Variants in SLC16A7 observed in about 807,000 individuals in gnomAD.
The protein encoded by SLC16A7 is monocarboxylate transporter 2.
SLC16A7 carries 33 observed loss-of-function variants against 34.9 expected under a neutral mutation model. That is an observed-to-expected ratio of 0.94 (90% CI 0.72 to 1.26). The LOEUF (loss-of-function observed/expected upper bound fraction) is 1.26. Ranked by LOEUF, SLC16A7 falls within the 50% of genes most tolerant of loss-of-function variation. SLC16A7 has a pLI of 0.00. For missense variants in SLC16A7, 573 were observed against 578.1 expected, an observed-to-expected ratio of 0.99 and a Z score of 0.09; for synonymous variants, 201 against 206.6, an observed-to-expected ratio of 0.97 and a Z score of 0.23.
intron 3 of SLC16A7, among the ~76,000 whole-genome samples, chr12:59,743,504 T>G (rs1234876240): frequency 6.6e-6 from 1 of 152,208 alleles, no homozygotes; most frequent in African/African-American, 2.4e-5. Context: ...ATAACTATCT[T>G]GTTCATCATA....
intron 3 of SLC16A7, among the ~76,000 whole-genome samples, chr12:59,744,586 A>G (rs1878688934): frequency 6.6e-6 from 1 of 152,198 alleles, no homozygotes; most frequent in African/African-American, 2.4e-5. Context: ...CCACAGGTGC[A>G]GATGCTAAAG....
chr12:59,649,238 T>A (rs1868300960), intron 1 of SLC16A7, among the ~76,000 whole-genome samples: 1 of 151,966 alleles, frequency 6.6e-6, no homozygotes, highest in South Asian at 2.1e-4. Context: ...GAGTGTACAA[T>A]GGACAAGGTT....
At chr12:59,608,576 G>A (rs1440745026) in intron 1 of SLC16A7, among the ~76,000 whole-genome samples, 4 of 152,168 alleles carry the variant, frequency 2.6e-5, no homozygotes, top group Non-Finnish European at 5.9e-5. Context: ...GGCCTCTTGT[G>A]CCATGGGGAG....
At chr12:59,714,770 G>T (rs903666128) in intron 3 of SLC16A7, among the ~76,000 whole-genome samples, 1 of 152,044 alleles carries the variant, frequency 6.6e-6, no homozygotes, top group Non-Finnish European at 1.5e-5. Flanking sequence ...TCGCCACATT[G>T]GCAAGACTGG....
chr12:59,675,277 T>C (rs1870216571), intron 2 of SLC16A7, among the ~76,000 whole-genome samples: 2 of 152,226 alleles, frequency 1.3e-5, no homozygotes, highest in African/African-American at 4.8e-5. Context: ...CCCAGTGTGA[T>C]GGAATTTGGA....
At chr12:59,759,972 A>G (rs1880833407) in intron 3 of SLC16A7, among the ~76,000 whole-genome samples, 1 of 151,994 alleles carries the variant, frequency 6.6e-6, no homozygotes, top group Admixed American at 6.6e-5. Context: ...ATGGCCATAG[A>G]GAAAATAAAT....
Position 59,704,981 on chromosome 12 carries a change from G to T in SLC16A7, c.180G>T (p.Trp60Cys), listed in dbSNP as rs1435373400. Reference sequence around the variant, plus strand: ...ACACTACCTACAGTGAAATAGCATGGATTTCATCCATTATGCTGGCTGTTA... The same window carrying T: ...ACACTACCTACAGTGAAATAGCATGTATTTCATCCATTATGCTGGCTGTTA... ...IFHTTYSEIA[W>C]ISSIMLAVMY... The change falls in exon 3 of 6, where the codon TGG becomes TGT. Residue 60 changes from tryptophan to cysteine, a missense_variant. Transcript: ENST00000547379. 2 of 1,613,176 alleles carry T rather than the reference G, an allele frequency of 1.2e-6. No individual in the cohort carries two copies. The highest frequency in any genetic ancestry group is 2.2e-5 in the East Asian group (1 of 44,868).
chr12:59,717,185 T>G (rs1444558029), intron 3 of SLC16A7, among the ~76,000 whole-genome samples: 2 of 152,186 alleles, frequency 1.3e-5, no homozygotes, highest in Admixed American at 1.3e-4. Context: ...ACTGAGAAAA[T>G]TTTTAAAGCT....
rs901903909 is a variant in SLC16A7, at chr12:59,654,297, A to G, written c.-129-855A>G. Among the ~76,000 whole-genome samples the G allele has an allele frequency of 4.0e-5, 6 of 151,500 alleles. No homozygotes were observed. In the South Asian group the frequency reaches 1.2e-3, roughly 31 times the overall value. On this transcript the variant is annotated intron_variant, in intron 1 of 5. Transcript: ENST00000547379. Reference sequence around the variant, plus strand: ...ATATTAACTATTAATAACAATTATTATAATCAATAACAATTATTCAGTCAA... The same window carrying G: ...ATATTAACTATTAATAACAATTATTGTAATCAATAACAATTATTCAGTCAA...
chr12:59,665,621 A>G (rs985116730), intron 2 of SLC16A7, among the ~76,000 whole-genome samples: 2 of 152,058 alleles, frequency 1.3e-5, no homozygotes, highest in African/African-American at 4.8e-5. Flanking sequence ...TAAAGTCTTC[A>G]CAGCTGGTGT....
intron 3 of SLC16A7, among the ~76,000 whole-genome samples, chr12:59,738,906 C>A (rs1877932461): frequency 6.6e-6 from 1 of 151,374 alleles, no homozygotes; most frequent in Admixed American, 6.6e-5. Context: ...ATTTATATCA[C>A]TTACCCATTT....
chr12:59,649,561 C>T (rs1412457718), intron 1 of SLC16A7, among the ~76,000 whole-genome samples: 1 of 152,138 alleles, frequency 6.6e-6, no homozygotes, highest in Non-Finnish European at 1.5e-5. Flanking sequence ...GGGGCTGATA[C>T]AGGAGTCTTG....
intron 3 of SLC16A7, among the ~76,000 whole-genome samples, chr12:59,707,893 CCTT>C (rs1873771446): frequency 1.3e-5 from 2 of 152,206 alleles, no homozygotes; most frequent in East Asian, 3.9e-4. Flanking sequence ...CACCTTTGGT[CCTT>C]CTTTTAAAAC....
intron 1 of SLC16A7, among the ~76,000 whole-genome samples, chr12:59,626,443 T>C (rs944444658): frequency 1.5e-4 from 23 of 151,848 alleles, no homozygotes; most frequent in African/African-American, 5.3e-4. Context: ...AGTGCTTTCA[T>C]TGATTCATCT....
intron 2 of SLC16A7, among the ~76,000 whole-genome samples, chr12:59,657,510 A>C (rs559845032): frequency 1.3e-5 from 2 of 151,998 alleles, no homozygotes; most frequent in Non-Finnish European, 2.9e-5. Context: ...TTCACAAGTG[A>C]GAAAAACCTA....
At chr12:59,650,609 C>T (rs2137017611) in intron 1 of SLC16A7, among the ~76,000 whole-genome samples, 1 of 152,268 alleles carries the variant, frequency 6.6e-6, no homozygotes, top group South Asian at 2.1e-4. Flanking sequence ...TGAGGTCATA[C>T]TTATACTGAA....
At chr12:59,739,135 T>C (rs903344618) in intron 3 of SLC16A7, among the ~76,000 whole-genome samples, 1 of 151,442 alleles carries the variant, frequency 6.6e-6, no homozygotes. Context: ...GCTGGTGTGC[T>C]ACACCCATTA....
At position 59,753,417 on chromosome 12, in the gene SLC16A7, CA is replaced by C. The variant is rs1300098093; in HGVS notation, c.218-17800del. Among the ~76,000 whole-genome samples the C allele has an allele frequency of 2.0e-5, 3 of 152,148 alleles. No homozygotes were observed. In the East Asian group the frequency reaches 5.8e-4, roughly 29 times the overall value. Reference sequence around the variant, plus strand: ...AATAAAAGGATGGAAGAAGATCTACCAAGCCAATGGAAAACAAAAAAAGGCA... The same window carrying C: ...AATAAAAGGATGGAAGAAGATCTACCAGCCAATGGAAAACAAAAAAAGGCA... On this transcript the variant is annotated intron_variant, in intron 3 of 5. Coordinates refer to ENST00000547379, the MANE Select transcript of SLC16A7 (RefSeq NM_001270623.2).
Position 59,784,958 on chromosome 12 carries a change from G to T in SLC16A7, c.*5279G>T, listed in dbSNP as rs1339050768. On this transcript the variant is annotated 3_prime_UTR_variant, in exon 6 of 6. Coordinates refer to ENST00000547379, the MANE Select transcript of SLC16A7 (RefSeq NM_001270623.2). ...CATCACTGATACATCATACCAACAA[G>T]ATTTCTAACCACAACCATTCAGAGC... is the stretch of plus-strand genomic sequence containing the variant. 6.6e-6 allele frequency: 1 copy of T among 152,062 alleles called. No homozygotes were observed. The highest frequency in any genetic ancestry group is 2.4e-5 in the African/African-American group (1 of 41,412). The allele number at this position is 152,062 out of a possible 1,614,324, so 9.4% of individuals were successfully genotyped here.
Sources: gnomAD v4.1 joint callset for allele counts (sites outside exome capture counted in the v4.1 genomes callset) on GRCh38, gnomAD v4.1.1 for gene constraint, MANE v1.5 for transcripts, NCBI Gene and HGNC (gene_info 2026-07-23, HGNC 2026-07-21) for gene names.